TAF15: variants seen among roughly 807,000 people sequenced by gnomAD.
The protein encoded by TAF15 is TATA-box binding protein associated factor 15.
In TAF15, 37 loss-of-function variants were observed where a neutral mutation model predicts 102.5. That is an observed-to-expected ratio of 0.36 (90% confidence interval 0.28 to 0.47). The LOEUF (loss-of-function observed/expected upper bound fraction) is 0.47, where lower values mean the gene tolerates loss of function less well. Among genes scored for constraint, TAF15 ranks in the 20% least tolerant of loss-of-function variants. The pLI is 0.99. For synonymous variants in TAF15, 273 were observed against 259.2 expected (o/e 1.05, Z -0.51); for missense variants, 652 against 760.7 (o/e 0.86, Z 1.68).
chr17:35,821,668 C>T (rs952036039), intron 5 of TAF15, among the ~76,000 whole-genome samples: 2 of 151,936 alleles, frequency 1.3e-5, no homozygotes, highest in African/African-American at 4.8e-5. Flanking sequence ...TTTAACATTC[C>T]CACCCTGAGA....
chr17:35,823,987 A>T, intron 6 of TAF15, 91 bp from the exon 7 acceptor site: 3 of 1,515,464 alleles, frequency 2.0e-6, no homozygotes, highest in Non-Finnish European at 2.7e-6. Context: ...TTCTATAAGG[A>T]TATGTGTGGC....
intron 7 of TAF15, among the ~76,000 whole-genome samples, chr17:35,831,152 C>A (rs2087400028): frequency 1.3e-5 from 2 of 152,142 alleles, no homozygotes; most frequent in African/African-American, 4.8e-5. Context: ...CCTGTAATCC[C>A]AGTGCTTTGG....
Position 35,847,081 on chromosome 17 carries a change from G to T in TAF15, c.*136G>T. The T allele has an allele frequency of 4.4e-6, 3 of 686,012 alleles. No individual in the cohort carries two copies. The highest frequency in any genetic ancestry group is 1.8e-5 in the African/African-American group (1 of 54,702). 42.5% of individuals were successfully genotyped at this position (686,012 alleles called of 1,614,324 possible). A position where few individuals can be genotyped will look rare whatever the true frequency, so the allele number is the denominator to read the frequency against. Reference sequence around the variant, plus strand: ...TTTGGATTTTTATTTGGGTGGGAGGGCTGGGACAGTTTTTCTTCTAGAAAT... The same window carrying T: ...TTTGGATTTTTATTTGGGTGGGAGGTCTGGGACAGTTTTTCTTCTAGAAAT... On this transcript the variant is annotated 3_prime_UTR_variant, in exon 16 of 16. Transcript: ENST00000605844.
intron 2 of TAF15, 152 bp from the exon 3 acceptor site, chr17:35,819,872 C>A: frequency 1.4e-6 from 1 of 720,940 alleles, no homozygotes; most frequent in Non-Finnish European, 2.4e-6. Flanking sequence ...TGATCGTCAC[C>A]TTTCAATTTA....
chr17:35,813,052 A>G (rs966252203), intron 1 of TAF15, among the ~76,000 whole-genome samples: 2 of 144,264 alleles, frequency 1.4e-5, no homozygotes, highest in Non-Finnish European at 3.0e-5. Flanking sequence ...GGTTGAAGCT[A>G]GGAGGCAGAG....
intron 5 of TAF15, 93 bp downstream of exon 5, chr17:35,820,530 T>A: frequency 3.0e-5 from 10 of 330,824 alleles, no homozygotes; most frequent in Non-Finnish European, 4.6e-5. Context: ...AGCTTTAAAC[T>A]TTTTTTTTTT....
intron 12 of TAF15, among the ~76,000 whole-genome samples, chr17:35,843,092 A>G (rs997354163): frequency 6.6e-6 from 1 of 152,032 alleles, no homozygotes; most frequent in Non-Finnish European, 1.5e-5. Context: ...GCTGCCTGAT[A>G]CAGTTACTGC....
chr17:35,835,684 C>G lies in TAF15; in HGVS notation c.674-448C>G, dbSNP rs4251763. ...AAAGCTTATTGCAATGAATGGGAAA[C>G]CAGCAGTTCTGCTTTGTGGCTTGCT... On this transcript the variant is annotated intron_variant, in intron 9 of 15. Transcript: ENST00000605844. Among the ~76,000 whole-genome samples, 964 of 152,328 alleles carry G rather than the reference C, an allele frequency of 6.3e-3. 6 individuals carry two copies. The highest frequency in any genetic ancestry group is 0.022 in the African/African-American group (911 of 41,552).
At chr17:35,828,777 TAAAAAAA>T (rs11348556) in intron 7 of TAF15, among the ~76,000 whole-genome samples, 2 of 136,496 alleles carry the variant, frequency 1.5e-5, no homozygotes, top group African/African-American at 2.7e-5. Flanking sequence ...TTCAAATGTT[TAAAAAAA>T]AAAAAAAAAA....
intron 7 of TAF15, among the ~76,000 whole-genome samples, chr17:35,826,724 A>ATTT (rs756619028): frequency 7.8e-6 from 1 of 127,994 alleles, no homozygotes; most frequent in African/African-American, 2.9e-5. Flanking sequence ...CACCCGGCTA[A>ATTT]TTTTTTTTTT....
rs2087298135 is a variant in TAF15 at position 35,824,182 on chromosome 17, C to T, written c.589C>T (p.Pro197Ser). 6.2e-7 allele frequency: 1 copy of T among 1,612,122 alleles called. No homozygotes were observed. The highest frequency in any genetic ancestry group is 1.7e-5 in the Admixed American group (1 of 59,828). ...GGGATATGACAAGGATGGAAGAGGT[C>T]CTATGACAGGATCAAGGTAAGTATG... ...RGGYDKDGRG[P>S]MTGSSGGDRG... Residue 197 changes from proline (P) to serine (S), a missense_variant, in exon 7 of 16, where the codon CCT becomes TCT. By Grantham distance (74) the Pro-to-Ser change is moderately conservative. Coordinates refer to ENST00000605844, the MANE Select transcript of TAF15 (RefSeq NM_139215.3).
intron 7 of TAF15, among the ~76,000 whole-genome samples, chr17:35,825,964 AC>A (rs769251043): frequency 1.8e-4 from 27 of 151,032 alleles, no homozygotes; most frequent in South Asian, 6.3e-4. Context: ...AAAAAAAAAA[AC>A]ATTAAAAAAA....
Position 35,844,971 on chromosome 17 carries a change from T to C in TAF15, c.1672T>C (p.Tyr558His), listed in dbSNP as rs1395938686. 5 of 1,612,200 alleles carry C rather than the reference T, an allele frequency of 3.1e-6. No homozygotes were observed. Among genetic ancestry groups the C allele is most frequent in the Non-Finnish European group, 4.2e-6 (5 of 1,179,058 alleles). The stretch of plus-strand genomic sequence containing the variant: ...TGGAGGAGACAGGAGTGGTGGCGGC[T>C]ATGGAGGAGACCGAGGTGGGGGCTA... Reference protein sequence around the residue: ...GYGGDRSGGGYGGDRGGGYGG... With the variant: ...GYGGDRSGGGHGGDRGGGYGG... Residue 558 changes from tyrosine to histidine, a missense_variant, in exon 15 of 16, where the codon TAT (tyrosine) becomes CAT (histidine). By Grantham distance (83) the Tyr-to-His change is moderately conservative. Coordinates refer to ENST00000605844, the MANE Select transcript of TAF15 (RefSeq NM_139215.3).
intron 11 of TAF15, among the ~76,000 whole-genome samples, chr17:35,841,761 G>A (rs925728197): frequency 2.7e-5 from 4 of 149,698 alleles, no homozygotes; most frequent in South Asian, 2.1e-4. Context: ...ACAGTGGCAC[G>A]AAGATAGCTC....
chr17:35,844,178 T>C lies in TAF15; in HGVS notation c.1088+20T>C. The C allele has an allele frequency of 1.2e-6, 2 of 1,613,802 alleles. No homozygotes were observed. The highest frequency in any genetic ancestry group is 8.5e-7 in the Non-Finnish European group (1 of 1,179,802). On this transcript the variant is annotated intron_variant, in intron 13 of 15. Coordinates refer to ENST00000605844, the MANE Select transcript of TAF15 (RefSeq NM_139215.3). ...TAATCCGTAAGTGTCTTGTTTACTT[T>C]GGTGAGAGTAGGGGTTGGGATTGGG...
chr17:35,835,830 C>T (rs552941048), intron 9 of TAF15, among the ~76,000 whole-genome samples: 1 of 152,214 alleles, frequency 6.6e-6, no homozygotes, highest in Non-Finnish European at 1.5e-5. Context: ...CTCTTCATGA[C>T]GTTTAGCCCT....
chr17:35,842,490 A>G (rs2087560149), intron 12 of TAF15, 31 bp downstream of exon 12: 1 of 1,544,092 alleles, frequency 6.5e-7, no homozygotes, highest in Non-Finnish European at 9.0e-7. Context: ...AGTCCTGGAT[A>G]CTATCCAAGG....
At chr17:35,821,991 T>G (rs116678121) in intron 5 of TAF15, among the ~76,000 whole-genome samples, 2,298 of 152,282 alleles carry the variant, frequency 0.015, 53 homozygotes, top group African/African-American at 0.053. Flanking sequence ...GGCATGTTTA[T>G]TAAAGAGTCA....
chr17:35,817,804 A>G (rs1355774083), intron 2 of TAF15, 49 bp downstream of exon 2: 3 of 1,536,880 alleles, frequency 2.0e-6, no homozygotes, highest in Non-Finnish European at 2.7e-6. Context: ...AACTGAGGTG[A>G]ATTTTGTCAA....
Sources: gnomAD v4.1 joint callset for allele counts (sites outside exome capture counted in the v4.1 genomes callset) on GRCh38, gnomAD v4.1.1 for gene constraint, MANE v1.5 for transcripts, NCBI Gene and HGNC (gene_info 2026-07-23, HGNC 2026-07-21) for gene names.